Variants in MAP3K5 observed in about 807,000 individuals in gnomAD.
The protein encoded by MAP3K5 is mitogen-activated protein kinase kinase kinase 5, also known as ASK-1.
A neutral mutation model predicts 158.7 loss-of-function variants in MAP3K5; 56 were observed. The ratio of observed to expected loss-of-function variants is 0.35; its 90% CI spans 0.28 to 0.44. The LOEUF (loss-of-function observed/expected upper bound fraction) is 0.44, where lower values mean the gene tolerates loss of function less well. MAP3K5 is among the 20% of genes least tolerant of loss of function. The probability of loss-of-function intolerance (pLI) is 1.00; values close to 1 mark genes in which losing one functional copy is unlikely to be tolerated. For synonymous variants in MAP3K5, 579 were observed against 601.7 expected, an observed-to-expected ratio of 0.96 and a Z score of 0.55; for missense variants, 1,294 against 1,674.8, an observed-to-expected ratio of 0.77 and a Z score of 3.97.
chr6:136,699,476 G>A (rs1200793022), intron 3 of MAP3K5, among the ~76,000 whole-genome samples: 1 of 152,158 alleles, frequency 6.6e-6, no homozygotes, highest in Non-Finnish European at 1.5e-5. Context: ...GCTCTTGGGA[G>A]AAAGAAGAAA....
intron 1 of MAP3K5, among the ~76,000 whole-genome samples, chr6:136,788,581 T>C (rs1784938929): frequency 1.3e-5 from 2 of 152,092 alleles, no homozygotes; most frequent in South Asian, 2.1e-4. Context: ...CGTTAAAAAG[T>C]AGGCGAAAGA....
At chr6:136,568,491 A>T (rs1160815376) in intron 25 of MAP3K5, among the ~76,000 whole-genome samples, 1 of 152,198 alleles carries the variant, frequency 6.6e-6, no homozygotes, top group Non-Finnish European at 1.5e-5. Context: ...CCTGTTGACT[A>T]ACCATTGAAA....
rs1554280758 is a variant in MAP3K5 at position 136,585,469 on chromosome 6, T to TTTTATTTA, written c.3226-1730_3226-1729insTAAATAAA. ...AAGGCATATTGCTTCCTTTCTTTTCTTTTCTTTATTTATTTATTTATTTAT... is the reference window on the plus strand; with the variant it reads ...AAGGCATATTGCTTCCTTTCTTTTCTTTTATTTATTTCTTTATTTATTTATTTATTTAT... On this transcript the variant is annotated intron_variant, in intron 23 of 29. Transcript: ENST00000359015. Among the ~76,000 whole-genome samples, 95 of 131,526 alleles carry TTTTATTTA rather than the reference T, an allele frequency of 7.2e-4. 1 individual carries two copies. Among genetic ancestry groups the TTTTATTTA allele is most frequent in the Admixed American group, 1.5e-3 (19 of 12,712 alleles). 86.3% of individuals were successfully genotyped at this position (131,526 alleles called of 152,430 possible). A position where few individuals can be genotyped will look rare whatever the true frequency, so the allele number is the denominator to read the frequency against.
chr6:136,619,451 G>A (rs1191227754), intron 15 of MAP3K5, among the ~76,000 whole-genome samples: 2 of 152,110 alleles, frequency 1.3e-5, no homozygotes, highest in Non-Finnish European at 2.9e-5. Context: ...AGAGCAGTTC[G>A]TAAGTTCACA....
chr6:136,694,168 T>G lies in MAP3K5; in HGVS notation c.1225A>C (p.Thr409Pro). ...GAAGCTCCATGGTCTCTGCTTTCAGTGTCCGTGAAATTAGAGTCCAAAAAC... is the reference window on the plus strand; with the variant it reads ...GAAGCTCCATGGTCTCTGCTTTCAGGGTCCGTGAAATTAGAGTCCAAAAAC... ...DMFLDSNFTD[T>P]ESRDHGASWF... Residue 409 changes from threonine (T) to proline (P), a missense_variant, in exon 7 of 30, where the codon ACT becomes CCT. This residue lies in a region of MAP3K5 where 690 missense variants were observed against 870.5 expected (regional missense o/e 0.79). Transcript: ENST00000359015. The G allele has an allele frequency of 6.2e-7, 1 of 1,613,544 alleles. No homozygotes were observed.
Position 136,791,926 on chromosome 6 carries a change from G to C in MAP3K5, c.232C>G (p.Arg78Gly). ...CCGCCAACAGAGCTGCCCCGGCCTC[G>C]GGTGGCACTGCTCGAGGAGGTGGCC... ...PAATSSSSAT[R>G]GRGSSVGGGS... is the part of the protein sequence containing the mutation. The change falls in exon 1 of 30, where the codon CGA (arginine) becomes GGA (glycine). Residue 78 changes from arginine to glycine, a missense_variant. Coordinates refer to ENST00000359015, the MANE Select transcript of MAP3K5 (RefSeq NM_005923.4). 1.2e-6 allele frequency: 2 copies of C among 1,612,566 alleles called. No homozygotes were observed. The highest frequency in any genetic ancestry group is 1.7e-6 in the Non-Finnish European group (2 of 1,179,684).
chr6:136,757,777 G>A (rs973001287), intron 1 of MAP3K5, among the ~76,000 whole-genome samples: 9 of 151,766 alleles, frequency 5.9e-5, no homozygotes, highest in African/African-American at 2.2e-4. Context: ...TAGAGATGGG[G>A]TTTCACCTTG....
intron 1 of MAP3K5, among the ~76,000 whole-genome samples, chr6:136,733,935 A>G (rs970940315): frequency 1.3e-5 from 2 of 152,244 alleles, no homozygotes; most frequent in Non-Finnish European, 2.9e-5. Context: ...GTATGAGACC[A>G]TAACACCCTA....
rs1583322477 is a variant in MAP3K5 at position 136,640,664 on chromosome 6, C to T, written c.1839-1026G>A. 2.6e-5 allele frequency among the ~76,000 whole-genome samples: 4 copies of T among 152,316 alleles called. No homozygotes were observed. The South Asian group carries it at 8.3e-4, about 32-fold the overall frequency. On this transcript the variant is annotated intron_variant, in intron 12 of 29. Coordinates refer to ENST00000359015, the MANE Select transcript of MAP3K5 (RefSeq NM_005923.4). ...TCCTCTCCCTGCTGGGCTGTGAATT[C>T]CTCAAGAGAGGAGTTGATGTCTTAG...
chr6:136,647,927 C>T (rs1409912280), intron 11 of MAP3K5: 2 of 152,274 alleles, frequency 1.3e-5, no homozygotes, highest in Non-Finnish European at 2.9e-5. Context: ...CCACAGAACT[C>T]AAAAGAACGC....
intron 1 of MAP3K5, among the ~76,000 whole-genome samples, chr6:136,762,782 G>C (rs926641828): frequency 3.3e-5 from 5 of 152,058 alleles, no homozygotes; most frequent in African/African-American, 1.2e-4. Context: ...ATTGCCCCTG[G>C]GGAAAGTCCT....
chr6:136,598,570 CTG>C (rs1775732980), intron 21 of MAP3K5, among the ~76,000 whole-genome samples: 1 of 152,186 alleles, frequency 6.6e-6, no homozygotes, highest in African/African-American at 2.4e-5. Context: ...ATCTCTGGGT[CTG>C]TGTGTGGCCA....
At chr6:136,725,225 T>A (rs1452966303) in intron 1 of MAP3K5, among the ~76,000 whole-genome samples, 1 of 152,018 alleles carries the variant, frequency 6.6e-6, no homozygotes, top group Non-Finnish European at 1.5e-5. Flanking sequence ...GACCTAGGAG[T>A]AGGATTACTG....
chr6:136,720,322 T>A (rs915596906), intron 2 of MAP3K5, 128 bp downstream of exon 2: 6 of 762,144 alleles, frequency 7.9e-6, no homozygotes, highest in African/African-American at 1.8e-5. Context: ...TGACAAGTAA[T>A]TGATGCATAC....
At chr6:136,761,392 G>A (rs969090570) in intron 1 of MAP3K5, among the ~76,000 whole-genome samples, 3 of 152,044 alleles carry the variant, frequency 2.0e-5, no homozygotes, top group East Asian at 3.9e-4. Context: ...TAGATCCCAG[G>A]TGTCTGGGCA....
chr6:136,781,540 G>A (rs1784612508), intron 1 of MAP3K5, among the ~76,000 whole-genome samples: 1 of 152,202 alleles, frequency 6.6e-6, no homozygotes, highest in Non-Finnish European at 1.5e-5. Context: ...CATCTGTATT[G>A]TTTGGAAGTT....
intron 19 of MAP3K5, among the ~76,000 whole-genome samples, chr6:136,604,114 G>A (rs1046339484): frequency 1.3e-4 from 20 of 152,176 alleles, no homozygotes; most frequent in African/African-American, 4.6e-4. Context: ...CTGAGCTCAG[G>A]AGTTTGAGAC....
At chr6:136,770,246 A>C (rs1279744366) in intron 1 of MAP3K5, among the ~76,000 whole-genome samples, 1 of 152,200 alleles carries the variant, frequency 6.6e-6, no homozygotes, top group Non-Finnish European at 1.5e-5. Flanking sequence ...AGCCCCTTTC[A>C]CAAATTATAT....
intron 25 of MAP3K5, among the ~76,000 whole-genome samples, chr6:136,573,138 G>A (rs1019897074): frequency 1.3e-5 from 2 of 152,198 alleles, no homozygotes; most frequent in African/African-American, 4.8e-5. Flanking sequence ...TTGAATCAAT[G>A]CACTTAATAA....
Sources: allele counts gnomAD v4.1 joint callset (sites outside exome capture counted in the v4.1 genomes callset), GRCh38; gene constraint gnomAD v4.1.1; regional missense constraint gnomAD v4.1.1; transcripts MANE v1.5; gene names NCBI Gene and HGNC (gene_info 2026-07-23, HGNC 2026-07-21).